Variants in ZNF217 observed in about 807,000 individuals in gnomAD.
ZNF217 encodes the protein zinc finger protein 217.
In ZNF217, 12 loss-of-function variants were observed where a neutral mutation model predicts 73.3. The observed-to-expected ratio is 0.16, with a 90% CI of 0.10 to 0.27. ZNF217 has a LOEUF of 0.27. ZNF217 is among the 10% of genes least tolerant of loss of function. The probability of loss-of-function intolerance (pLI) is 1.00; values close to 1 mark genes in which losing one functional copy is unlikely to be tolerated. For synonymous variants in ZNF217, 588 were observed against 516.4 expected, an observed-to-expected ratio of 1.14 and a Z score of -1.88; for missense variants, 1,195 against 1,327.8, an observed-to-expected ratio of 0.90 and a Z score of 1.55.
chr20:53,597,083 C>CAAAAAAAAAA (rs11483077), upstream of ZNF217, among the ~76,000 whole-genome samples: 1 of 120,786 alleles, frequency 8.3e-6, no homozygotes, highest in Non-Finnish European at 1.7e-5. Context: ...AGTAACATAA[C>CAAAAAAAAAA]AAAAAAAAAA....
intron 2 of ZNF217, 142 bp from the exon 3 acceptor site, chr20:53,578,592 G>A (rs1988373110): frequency 9.0e-6 from 5 of 556,772 alleles, no homozygotes; most frequent in East Asian, 3.1e-5. Context: ...AGAACAAAAC[G>A]GCTAGACACA....
chr20:53,581,774 G>C lies in ZNF217; in HGVS notation c.1053C>G (p.Cys351Trp), dbSNP rs911624349. ...CAGLSQEKEK[C>W]KHSHGEAPSV... ...AGGGCGCTTCGCCGTGGGAGTGTTTGCACTTCTCTTTCTCTTGCGAGAGGC... is the reference window on the plus strand; with the variant it reads ...AGGGCGCTTCGCCGTGGGAGTGTTTCCACTTCTCTTTCTCTTGCGAGAGGC... Residue 351 changes from cysteine to tryptophan, a missense_variant, in exon 2 of 6, where the codon TGC becomes TGG. Physicochemically the swap from Cys to Trp is radical, Grantham distance 215. This residue lies in a region of ZNF217 where 102 missense variants were observed against 91.9 expected (regional missense o/e 1.11). Coordinates refer to ENST00000371471, the MANE Select transcript of ZNF217 (RefSeq NM_006526.3). The surrounding 1 kb of genome is among the most constrained non-coding windows in gnomAD (Gnocchi z 4.9). The C allele has an allele frequency of 6.2e-7, 1 of 1,614,240 alleles. No individual in the cohort carries two copies. Among genetic ancestry groups the C allele is most frequent in the Admixed American group, 1.7e-5 (1 of 60,034 alleles).
At chr20:53,579,707 T>G (rs531472192) in intron 2 of ZNF217, among the ~76,000 whole-genome samples, 5 of 152,378 alleles carry the variant, frequency 3.3e-5, no homozygotes, top group Admixed American at 6.5e-5. Context: ...ACCTCTGACT[T>G]TACAGTTATA....
chr20:53,576,585 T>C lies in ZNF217; in HGVS notation c.2179A>G (p.Met727Val). Residue 727 changes from methionine (M) to valine (V), a missense_variant, in exon 4 of 6, where the codon ATG becomes GTG. Physicochemically the swap from Met to Val is conservative, Grantham distance 21. Coordinates refer to ENST00000371471, the MANE Select transcript of ZNF217 (RefSeq NM_006526.3). ...TATTTATGCTCCAGTCTCTGGTGCA[T>C]CATTAAAACTTCTGGATAAAATGTC... Reference protein sequence around the residue: ...FKTFYPEVLMMHQRLEHKYNP... With the variant: ...FKTFYPEVLMVHQRLEHKYNP... 6.2e-7 allele frequency: 1 copy of C among 1,614,250 alleles called. No individual in the cohort carries two copies. The highest frequency in any genetic ancestry group is 1.3e-5 in the African/African-American group (1 of 75,064).
intron 1 of ZNF217, among the ~76,000 whole-genome samples, chr20:53,591,920 G>C (rs1356848004): frequency 6.6e-6 from 1 of 152,200 alleles, no homozygotes; most frequent in Non-Finnish European, 1.5e-5. Context: ...TAAGAACATT[G>C]TAAATCTCCT....
intron 1 of ZNF217, among the ~76,000 whole-genome samples, chr20:53,593,032 G>GA (rs908789416): frequency 1.1e-4 from 16 of 150,366 alleles, no homozygotes; most frequent in Admixed American, 2.6e-4. Context: ...TTAGAGGAGG[G>GA]AAAAAAAAAG....
Position 53,569,075 on chromosome 20 carries a change from A to G in ZNF217, c.*213T>C, listed in dbSNP as rs574239461. On this transcript the variant is annotated 3_prime_UTR_variant, in exon 6 of 6. Coordinates refer to ENST00000371471, the MANE Select transcript of ZNF217 (RefSeq NM_006526.3). ...TATGTAAGTTCCAACTGTTCCAACTAGTTTGTATTGCTATTTGGTACAAAA... is the reference window on the plus strand; with the variant it reads ...TATGTAAGTTCCAACTGTTCCAACTGGTTTGTATTGCTATTTGGTACAAAA... The G allele has an allele frequency of 8.2e-7, 1 of 1,222,304 alleles. No homozygotes were observed. Among genetic ancestry groups the G allele is most frequent in the Middle Eastern group, 2.3e-4 (1 of 4,340 alleles). 75.7% of individuals were successfully genotyped at this position (1,222,304 alleles called of 1,614,324 possible).
chr20:53,574,958 C>A (rs1988189453), intron 4 of ZNF217: 1 of 152,332 alleles, frequency 6.6e-6, no homozygotes, highest in African/African-American at 2.4e-5. Context: ...ATTTCAACAG[C>A]AAGACAAGAA....
At chr20:53,589,200 C>G (rs1425022280) in intron 1 of ZNF217, among the ~76,000 whole-genome samples, 2 of 152,142 alleles carry the variant, frequency 1.3e-5, no homozygotes, top group Non-Finnish European at 2.9e-5. Flanking sequence ...GGGAGCTTTT[C>G]TATAGGAAGT....
At position 53,576,087 on chromosome 20, in the gene ZNF217, C is replaced by T. The variant is rs745562975; in HGVS notation, c.2677G>A (p.Ala893Thr). Residue 893 changes from alanine (A) to threonine (T), a missense_variant, in exon 4 of 6, where the codon GCA (alanine) becomes ACA (threonine). Around this residue, in one of 9 missense-constraint regions of ZNF217, gnomAD observed 649 missense variants for 642.8 expected, o/e 1.01. Coordinates refer to ENST00000371471, the MANE Select transcript of ZNF217 (RefSeq NM_006526.3). ...DYPAKNDSPW[A>T]PPGRDYFCNR... is the part of the protein sequence containing the mutation. ...CAGAAATAGTCTCTTCCCGGAGGTG[C>T]CCACGGGCTGTCGTTCTTGGCGGGG... The T allele has an allele frequency of 1.2e-6, 2 of 1,614,222 alleles. No homozygotes were observed. Among genetic ancestry groups the T allele is most frequent in the East Asian group, 4.5e-5 (2 of 44,894 alleles).
rs1213184284 is a variant in ZNF217 at position 53,581,729 on chromosome 20, C to G, written c.1098G>C (p.Lys366Asn). 6.2e-7 allele frequency: 1 copy of G among 1,614,138 alleles called. No homozygotes were observed. The highest frequency in any genetic ancestry group is 1.3e-5 in the African/African-American group (1 of 74,956). ...TGGGCTTCTCCTTGCTACTGGGTAA[C>G]TTGGGATCCGCGTCCACGGAGGGCG... ...GEAPSVDADP[K>N]LPSSKEKPTH... is the part of the protein sequence containing the mutation. Residue 366 changes from lysine to asparagine, a missense_variant, in exon 2 of 6, where the codon AAG becomes AAC. Transcript: ENST00000371471. The surrounding 1 kb of genome is among the most constrained non-coding windows in gnomAD (Gnocchi z 4.9).
At chr20:53,585,122 A>G (rs1988650037) in intron 1 of ZNF217, among the ~76,000 whole-genome samples, 1 of 148,146 alleles carries the variant, frequency 6.8e-6, no homozygotes, top group African/African-American at 2.5e-5. Context: ...AAAAAAACTA[A>G]GTTAGTCCCT....
intron 3 of ZNF217, 27 bp from the exon 4 acceptor site, chr20:53,577,307 T>C (rs774269346): frequency 3.8e-6 from 6 of 1,570,088 alleles, no homozygotes; most frequent in East Asian, 2.2e-5. Flanking sequence ...CACTTTATTA[T>C]AGAAGTGTAT....
intron 1 of ZNF217, among the ~76,000 whole-genome samples, chr20:53,586,980 C>T (rs1416606945): frequency 1.3e-5 from 2 of 152,200 alleles, no homozygotes; most frequent in South Asian, 2.1e-4. Flanking sequence ...GTTATGAACA[C>T]GCTAAGCTTA....
chr20:53,592,085 T>G (rs1489819934), intron 1 of ZNF217, among the ~76,000 whole-genome samples: 1 of 152,220 alleles, frequency 6.6e-6, no homozygotes, highest in Admixed American at 6.5e-5. Flanking sequence ...GAAGACATAA[T>G]TGAATCAACC....
chr20:53,570,544 G>C (rs1240752381), intron 5 of ZNF217: 1 of 152,624 alleles, frequency 6.6e-6, no homozygotes, highest in South Asian at 2.1e-4. Context: ...TGTTGAATGA[G>C]TCATAGTATA....
chr20:53,590,289 T>C (rs1988833700), intron 1 of ZNF217, among the ~76,000 whole-genome samples: 1 of 152,206 alleles, frequency 6.6e-6, no homozygotes, highest in South Asian at 2.1e-4. Flanking sequence ...TCATTAAACA[T>C]TCCGCTCAGG....
intron 1 of ZNF217, among the ~76,000 whole-genome samples, 198 bp downstream of exon 1, chr20:53,593,558 T>TC (rs1050434760): frequency 3.3e-5 from 5 of 151,134 alleles, no homozygotes; most frequent in African/African-American, 4.9e-5. Flanking sequence ...GCCCGCACCT[T>TC]CCCGCGGGCG....
intron 2 of ZNF217, among the ~76,000 whole-genome samples, chr20:53,579,426 G>T (rs906501964): frequency 6.6e-6 from 1 of 152,184 alleles, no homozygotes; most frequent in African/African-American, 2.4e-5. Context: ...AAGCCAGGAT[G>T]ATAGTACAAT....
Sources: gnomAD v4.1 joint callset for allele counts (sites outside exome capture counted in the v4.1 genomes callset) on GRCh38, gnomAD v4.1.1 for gene constraint, gnomAD v4.1.1 regional missense constraint, Gnocchi (gnomAD v3.1) non-coding constraint, MANE v1.5 for transcripts, NCBI Gene and HGNC (gene_info 2026-07-23, HGNC 2026-07-21) for gene names.